SRCIN1: variants seen among roughly 807,000 people sequenced by gnomAD.
SRCIN1 encodes the protein SRC kinase signaling inhibitor 1.
In SRCIN1, 50 loss-of-function variants were observed where a neutral mutation model predicts 116.2. The observed-to-expected ratio is 0.43, with a 90% confidence interval of 0.34 to 0.54. The LOEUF is 0.54. Among genes scored for constraint, SRCIN1 ranks in the 20% least tolerant of loss-of-function variants. The pLI is 0.02. For synonymous variants in SRCIN1, 736 were observed against 750.0 expected, an observed-to-expected ratio of 0.98 and a Z score of 0.30; for missense variants, 1,446 against 1,672.0, an observed-to-expected ratio of 0.86 and a Z score of 2.36.
chr17:38,554,234 C>T (rs1238297583), intron 11 of SRCIN1, among the ~76,000 whole-genome samples: 1 of 151,912 alleles, frequency 6.6e-6, no homozygotes, highest in Non-Finnish European at 1.5e-5. Flanking sequence ...AGAGTTCCCC[C>T]TTCATGGGGG....
intron 1 of SRCIN1, among the ~76,000 whole-genome samples, chr17:38,605,074 G>C (rs1187870089): frequency 6.6e-6 from 1 of 152,044 alleles, no homozygotes; most frequent in Non-Finnish European, 1.5e-5. Flanking sequence ...GCGGGGAGGG[G>C]GGGTGTGTGG....
chr17:38,582,436 A>G lies in SRCIN1; in HGVS notation c.23-3645T>C, dbSNP rs911556829. The stretch of plus-strand genomic sequence containing the variant: ...AGGGCATGGAGCTCACAACTGCACT[A>G]TATGACTGCAGTCCCACAAATCTCA... On this transcript the variant is annotated intron_variant, in intron 1 of 18. Coordinates refer to ENST00000617146, the MANE Select transcript of SRCIN1 (RefSeq NM_025248.3). Among the ~76,000 whole-genome samples the G allele has an allele frequency of 3.3e-5, 5 of 152,300 alleles. No individual in the cohort carries two copies. The South Asian group carries it at 6.2e-4, about 19-fold the overall frequency.
chr17:38,563,347 A>C lies in SRCIN1; in HGVS notation c.716T>G (p.Val239Gly). The C allele has an allele frequency of 2.5e-6, 4 of 1,577,164 alleles. No individual in the cohort carries two copies. Among genetic ancestry groups the C allele is most frequent in the Non-Finnish European group, 3.4e-6 (4 of 1,160,976 alleles). ...CCGGACGTCCTCCAGCTCGTAGAAG[A>C]CGTTGCGAGCCTCGTCTTTGATGAG... ...AILIKDEARN[V>G]FYELEDVRDI... The change falls in exon 5 of 19, where the codon GTC becomes GGC. Residue 239 changes from valine (V) to glycine (G), a missense_variant. Val to Gly is a moderately radical substitution (Grantham distance 109). Coordinates refer to ENST00000617146, the MANE Select transcript of SRCIN1 (RefSeq NM_025248.3). The surrounding 1 kb of genome is among the most constrained non-coding windows in gnomAD (Gnocchi z 5.8).
intron 1 of SRCIN1, among the ~76,000 whole-genome samples, chr17:38,584,195 G>A (rs1907982719): frequency 6.6e-6 from 1 of 152,180 alleles, no homozygotes; most frequent in African/African-American, 2.4e-5. Flanking sequence ...CTGGGGGAAG[G>A]GAAGCAAAGC....
chr17:38,551,371 C>T lies in SRCIN1; in HGVS notation c.2746G>A (p.Glu916Lys), dbSNP rs1231302775. The change falls in exon 15 of 19, where the codon GAG (glutamate) becomes AAG (lysine). Residue 916 changes from glutamate (E) to lysine (K), a missense_variant. This residue lies in a region of SRCIN1 where 531 missense variants were observed against 633.9 expected (regional missense o/e 0.84). Coordinates refer to ENST00000617146, the MANE Select transcript of SRCIN1 (RefSeq NM_025248.3). Reference sequence around the variant, plus strand: ...TGGGTCAGGGCTGCCCGCTTCTCCTCCCAGTCTCGCTCTGCAGCCTTAACA... The same window carrying T: ...TGGGTCAGGGCTGCCCGCTTCTCCTTCCAGTCTCGCTCTGCAGCCTTAACA... ...VSVEAAERDW[E>K]EKRAALTQYS... 2 of 1,612,070 alleles carry T rather than the reference C, an allele frequency of 1.2e-6. No individual in the cohort carries two copies. Among genetic ancestry groups the T allele is most frequent in the Admixed American group, 3.3e-5 (2 of 59,788 alleles).
rs1438006638 is a variant in SRCIN1, at chr17:38,602,328, C to A, written c.22+3356G>T. ...GTACAGCCCTCAAACCCGCTGACGG[C>A]CAGATTTTTATTATCTTTGCTCGAA... is the stretch of plus-strand genomic sequence containing the variant. On this transcript the variant is annotated intron_variant, in intron 1 of 18. Transcript: ENST00000617146. This position sits in a 1 kb window ranked among gnomAD's most constrained non-coding sequence, Gnocchi z 4.2. 1 of 152,246 alleles carries A rather than the reference C, an allele frequency of 6.6e-6. No individual in the cohort carries two copies. Among genetic ancestry groups the A allele is most frequent in the Non-Finnish European group, 1.5e-5 (1 of 68,038 alleles). 9.4% of individuals were successfully genotyped at this position (152,246 alleles called of 1,614,324 possible). A position where few individuals can be genotyped will look rare whatever the true frequency, so the allele number is the denominator to read the frequency against.
At chr17:38,570,747 C>T (rs1567871738) in intron 2 of SRCIN1, among the ~76,000 whole-genome samples, 2 of 152,236 alleles carry the variant, frequency 1.3e-5, no homozygotes, top group Non-Finnish European at 2.9e-5. Context: ...AGGCTGTGCA[C>T]ATCCATGGGG....
At position 38,595,889 on chromosome 17, in the gene SRCIN1, G is replaced by GC. The variant is rs965926315; in HGVS notation, c.22+9794dup. 2.8e-3 allele frequency among the ~76,000 whole-genome samples: 432 copies of GC among 151,942 alleles called. 4 individuals carry two copies. The highest frequency in any genetic ancestry group is 8.1e-3 in the African/African-American group (334 of 41,460). ...AGACATGTTCTCTACCAGCCAAAGT[G>GC]CCCCCCCCAGAGTCAGGTATCTGCT... On this transcript the variant is annotated intron_variant, in intron 1 of 18. Transcript: ENST00000617146.
intron 14 of SRCIN1, 94 bp downstream of exon 14, chr17:38,551,792 C>A: frequency 6.3e-7 from 1 of 1,596,890 alleles, no homozygotes; most frequent in Non-Finnish European, 8.5e-7. Context: ...AGGAAAAAGA[C>A]CCACAGGATT....
At position 38,552,186 on chromosome 17, in the gene SRCIN1, T is replaced by G; in HGVS notation, c.2481-54A>C. The G allele has an allele frequency of 1.3e-6, 2 of 1,567,884 alleles. No individual in the cohort carries two copies. Among genetic ancestry groups the G allele is most frequent in the Non-Finnish European group, 1.7e-6 (2 of 1,154,476 alleles). Reference sequence around the variant, plus strand: ...TGAGGCCAGCAGGTGGTGACCCTTCTGCAGGAAGGCTGCTCTGAGGGAGGT... The same window carrying G: ...TGAGGCCAGCAGGTGGTGACCCTTCGGCAGGAAGGCTGCTCTGAGGGAGGT... On this transcript the variant is annotated intron_variant, in intron 13 of 18. Transcript: ENST00000617146. The surrounding 1 kb of genome is among the most constrained non-coding windows in gnomAD (Gnocchi z 5.3).
At chr17:38,582,277 G>A (rs548627662) in intron 1 of SRCIN1, among the ~76,000 whole-genome samples, 1 of 152,228 alleles carries the variant, frequency 6.6e-6, no homozygotes, top group South Asian at 2.1e-4. Context: ...TGTGTCTGGG[G>A]TGGAGCAAAC....
rs1906891095 is a variant in SRCIN1 at position 38,568,902 on chromosome 17, G to A, written c.325-671C>T. Among the ~76,000 whole-genome samples, 2 of 151,894 alleles carry A rather than the reference G, an allele frequency of 1.3e-5. No homozygotes were observed. Among genetic ancestry groups the A allele is most frequent in the African/African-American group, 4.8e-5 (2 of 41,352 alleles). On this transcript the variant is annotated intron_variant, in intron 2 of 18. Transcript: ENST00000617146. The surrounding 1 kb of genome is among the most constrained non-coding windows in gnomAD (Gnocchi z 4.5). ...ATCAGAACTAGACCCCGGGGCAGAG[G>A]TGGATGGGGTGGATCAGGATGGATG...
At chr17:38,534,111 T>C (rs555234860) in intron 18 of SRCIN1, among the ~76,000 whole-genome samples, 8 of 152,190 alleles carry the variant, frequency 5.3e-5, no homozygotes, top group Non-Finnish European at 1.2e-4. Flanking sequence ...CCCTCATGAC[T>C]TGTCCTGCCC....
In SRCIN1 at chr17:38,558,295, C is replaced by T; in HGVS notation, c.2133G>A (p.Gln711=). Residue 711 remains glutamine (Q), a synonymous_variant, in exon 11 of 19, where the codon CAG becomes CAA. Transcript: ENST00000617146. This position sits in a 1 kb window ranked among gnomAD's most constrained non-coding sequence, Gnocchi z 4.6. ...ARRQEDPLQR[Q]RTLVEEERLR... ...GCCGTTCCTCTTCCACCAGGGTGCG[C>T]TGCCGCTGCAGCGGGTCCTCCTGCC... is the stretch of plus-strand genomic sequence containing the variant. 1 of 1,612,094 alleles carries T rather than the reference C, an allele frequency of 6.2e-7. No homozygotes were observed. The highest frequency in any genetic ancestry group is 1.1e-5 in the South Asian group (1 of 91,064).
At position 38,563,249 on chromosome 17, in the gene SRCIN1, G is replaced by T; in HGVS notation, c.740+74C>A. 6.6e-7 allele frequency: 1 copy of T among 1,510,652 alleles called. No homozygotes were observed. Among genetic ancestry groups the T allele is most frequent in the South Asian group, 1.2e-5 (1 of 83,182 alleles). 93.6% of individuals were successfully genotyped at this position (1,510,652 alleles called of 1,614,324 possible). The stretch of plus-strand genomic sequence containing the variant: ...CGGGTCAGGAAGGAGCTGGGGAAGG[G>T]CCGGCGGGGTCCAGCACCCTGCAGA... On this transcript the variant is annotated intron_variant, in intron 5 of 18. Coordinates refer to ENST00000617146, the MANE Select transcript of SRCIN1 (RefSeq NM_025248.3). This position sits in a 1 kb window ranked among gnomAD's most constrained non-coding sequence, Gnocchi z 5.8.
chr17:38,571,960 C>T (rs550477341), intron 2 of SRCIN1, among the ~76,000 whole-genome samples: 1 of 152,308 alleles, frequency 6.6e-6, no homozygotes, highest in Admixed American at 6.5e-5. Flanking sequence ...TTCCCCCCCT[C>T]GGCCCTCATG....
At chr17:38,567,429 T>A (rs1906797067) in intron 3 of SRCIN1, among the ~76,000 whole-genome samples, 1 of 152,298 alleles carries the variant, frequency 6.6e-6, no homozygotes, top group South Asian at 2.1e-4. Context: ...CAGTGTGACT[T>A]TGACTCCATG....
At chr17:38,601,637 C>G (rs1364474946) in intron 1 of SRCIN1, among the ~76,000 whole-genome samples, 1 of 112,094 alleles carries the variant, frequency 8.9e-6, no homozygotes, top group African/African-American at 3.2e-5. Flanking sequence ...TACACACACA[C>G]GCACACACAC....
Position 38,578,725 on chromosome 17 carries a change from G to A in SRCIN1, c.89C>T (p.Thr30Ile). Reference sequence around the variant, plus strand: ...GCCCCCGCCGCCCCCGCCCCCCAGGGTCCGGTACTCCCGCGGGTACTCCGC... The same window carrying A: ...GCCCCCGCCGCCCCCGCCCCCCAGGATCCGGTACTCCCGCGGGTACTCCGC... ...DDAEYPREYR[T>I]LGGGGGGGSG... The change falls in exon 2 of 19, where the codon ACC (threonine) becomes ATC (isoleucine). Residue 30 changes from threonine (T) to isoleucine (I), a missense_variant. Transcript: ENST00000617146. 6.5e-7 allele frequency: 1 copy of A among 1,532,394 alleles called. No individual in the cohort carries two copies. The highest frequency in any genetic ancestry group is 1.2e-5 in the South Asian group (1 of 83,568). The allele number at this position is 1,532,394 out of a possible 1,614,324, so 94.9% of individuals were successfully genotyped here.
Sources: gnomAD v4.1 joint callset for allele counts (sites outside exome capture counted in the v4.1 genomes callset) on GRCh38, gnomAD v4.1.1 for gene constraint, gnomAD v4.1.1 regional missense constraint, Gnocchi (gnomAD v3.1) non-coding constraint, MANE v1.5 for transcripts, NCBI Gene and HGNC (gene_info 2026-07-23, HGNC 2026-07-21) for gene names.